The following MCC variants were observed in gnomAD, a reference collection of about 807,000 sequenced individuals.
MCC encodes MCC regulator of Wnt signaling pathway.
In MCC, 90 loss-of-function variants were observed where a neutral mutation model predicts 116.2. That is an observed-to-expected ratio of 0.77 (90% CI 0.65 to 0.92). The LOEUF is 0.92. MCC is among the 40% of genes least tolerant of loss of function. The pLI is 0.00. For missense variants in MCC, 1,516 were observed against 1,312.2 expected, an observed-to-expected ratio of 1.16 and a Z score of -2.40; for synonymous variants, 578 against 510.5, an observed-to-expected ratio of 1.13 and a Z score of -1.78.
chr5:113,469,330 A>C (rs1772011557), intron 1 of MCC, among the ~76,000 whole-genome samples: 1 of 151,344 alleles, frequency 6.6e-6, no homozygotes, highest in African/African-American at 2.4e-5. Flanking sequence ...AGTGCTAGAA[A>C]TTTCCCTCTA....
At chr5:113,101,136 G>A (rs1221058667) in intron 8 of MCC, among the ~76,000 whole-genome samples, 2 of 152,058 alleles carry the variant, frequency 1.3e-5, no homozygotes, top group African/African-American at 4.8e-5. Flanking sequence ...CAGGCCCTAG[G>A]GTGAATAGCA....
At chr5:113,330,374 C>T (rs1412062020) in intron 3 of MCC, among the ~76,000 whole-genome samples, 3 of 152,184 alleles carry the variant, frequency 2.0e-5, no homozygotes, top group African/African-American at 7.2e-5. Context: ...CATTCCTGTA[C>T]CTTTTTTCTC....
intron 3 of MCC, among the ~76,000 whole-genome samples, chr5:113,248,645 T>C (rs568002439): frequency 6.6e-5 from 10 of 152,218 alleles, no homozygotes; most frequent in East Asian, 3.9e-4. Flanking sequence ...CCAAGAGACA[T>C]AGTTCAAGTC....
rs185037968 is a variant in MCC at position 113,023,342 on chromosome 5, A to C, written c.*3960T>G. The C allele has an allele frequency of 1.9e-4, 29 of 152,364 alleles. No individual in the cohort carries two copies. Among genetic ancestry groups the C allele is most frequent in the Admixed American group, 1.6e-3 (24 of 15,310 alleles). 9.4% of individuals were successfully genotyped at this position (152,364 alleles called of 1,614,324 possible). On this transcript the variant is annotated 3_prime_UTR_variant, in exon 19 of 19. Coordinates refer to ENST00000408903, the MANE Select transcript of MCC (RefSeq NM_001085377.2). ...AACTCTATAAGAGTGCTCAAAGGTG[A>C]ATCAAACTTGTATATCATTCCTTGT...
At position 113,255,913 on chromosome 5, in the gene MCC, T is replaced by C. The variant is rs60721375; in HGVS notation, c.627+84606A>G. Among the ~76,000 whole-genome samples, 604 of 152,310 alleles carry C rather than the reference T, an allele frequency of 4.0e-3. 5 individuals carry two copies. Among genetic ancestry groups the C allele is most frequent in the African/African-American group, 0.013 (558 of 41,576 alleles). ...AGTAATTTAGATCCATCTGGTAGTATTTCCAAACCTAGCAAATCCTAAAAT... is the reference window on the plus strand; with the variant it reads ...AGTAATTTAGATCCATCTGGTAGTACTTCCAAACCTAGCAAATCCTAAAAT... On this transcript the variant is annotated intron_variant, in intron 3 of 18. Transcript: ENST00000408903.
chr5:113,105,765 G>C (rs1054066485), intron 6 of MCC, among the ~76,000 whole-genome samples: 1 of 152,080 alleles, frequency 6.6e-6, no homozygotes, highest in Non-Finnish European at 1.5e-5. Flanking sequence ...CTCTCCACGC[G>C]GTCACCAAAG....
At chr5:113,182,576 C>T (rs959138150) in intron 3 of MCC, among the ~76,000 whole-genome samples, 1 of 151,936 alleles carries the variant, frequency 6.6e-6, no homozygotes, top group Non-Finnish European at 1.5e-5. Context: ...AGCCTGACAA[C>T]AGAGCCATCC....
At chr5:113,108,764 T>C (rs1200480292) in intron 6 of MCC, among the ~76,000 whole-genome samples, 2 of 151,916 alleles carry the variant, frequency 1.3e-5, no homozygotes, top group Non-Finnish European at 2.9e-5. Flanking sequence ...CTGAAGAATA[T>C]CTACCCTTCA....
At chr5:113,181,718 A>G (rs1341947216) in intron 3 of MCC, among the ~76,000 whole-genome samples, 1 of 152,172 alleles carries the variant, frequency 6.6e-6, no homozygotes, top group African/African-American at 2.4e-5. Flanking sequence ...CTCAAACCAA[A>G]ATGAAGATCA....
At chr5:113,108,666 A>C (rs115959996) in intron 6 of MCC, among the ~76,000 whole-genome samples, 18,211 of 151,698 alleles carry the variant, frequency 0.12, 1,482 homozygotes, top group Non-Finnish European at 0.18. Flanking sequence ...AAAAAAAAAA[A>C]AAAAGGGAAG....
In MCC at chr5:113,362,143, T is replaced by C. The variant is rs1344399157; in HGVS notation, c.416-21413A>G. 2.6e-5 allele frequency among the ~76,000 whole-genome samples: 4 copies of C among 152,346 alleles called. 1 individual carries two copies. In the South Asian group the frequency reaches 6.2e-4, roughly 24 times the overall value. ...ACTAATACAATGTTCCTGAATTTCC[T>C]ATCATATGGGGTTTATATTTTATTT... On this transcript the variant is annotated intron_variant, in intron 2 of 18. Coordinates refer to ENST00000408903, the MANE Select transcript of MCC (RefSeq NM_001085377.2).
At chr5:113,481,006 G>A (rs182475703) in intron 1 of MCC, among the ~76,000 whole-genome samples, 23 of 152,184 alleles carry the variant, frequency 1.5e-4, no homozygotes, top group Admixed American at 5.2e-4. Flanking sequence ...TGAACTCCTA[G>A]GTTCAAGAGA....
chr5:113,450,726 C>T (rs570059713), intron 1 of MCC, among the ~76,000 whole-genome samples: 1 of 152,298 alleles, frequency 6.6e-6, no homozygotes, highest in South Asian at 2.1e-4. Context: ...TTCCATGGTA[C>T]ACATGTACCT....
chr5:113,092,183 G>A (rs4397121), intron 8 of MCC, among the ~76,000 whole-genome samples: 77,064 of 151,810 alleles, frequency 0.51, 22,432 homozygotes, highest in East Asian at 0.68. Flanking sequence ...ACGGCAAAAG[G>A]GAACTGAGAT....
chr5:113,374,881 A>T (rs1248643520), intron 2 of MCC, among the ~76,000 whole-genome samples: 1 of 151,250 alleles, frequency 6.6e-6, no homozygotes, highest in South Asian at 2.1e-4. Context: ...GGTCTCAGCT[A>T]CTCAGGAGGC....
At position 113,400,113 on chromosome 5, in the gene MCC, C is replaced by CTTTTTTTTTTTTTTTT. The variant is rs747991299; in HGVS notation, c.171-14917_171-14902dup. On this transcript the variant is annotated intron_variant, in intron 1 of 18. Coordinates refer to ENST00000408903, the MANE Select transcript of MCC (RefSeq NM_001085377.2). ...ATTGTTTTGGCCCTCTCCTTTTTTACTTTTTTTTTTTTTTTTTTTTTTTTT... is the reference window on the plus strand; with the variant it reads ...ATTGTTTTGGCCCTCTCCTTTTTTACTTTTTTTTTTTTTTTTTTTTTTTTTTTTTTTTTTTTTTTTT... 9 of 71,404 alleles carry CTTTTTTTTTTTTTTTT rather than the reference C, an allele frequency of 1.3e-4. 2 individuals are homozygous for CTTTTTTTTTTTTTTTT. The highest frequency in any genetic ancestry group is 5.1e-4 in the African/African-American group (7 of 13,714). 4.4% of individuals were successfully genotyped at this position (71,404 alleles called of 1,614,324 possible).
chr5:113,205,087 C>G (rs761146053), intron 3 of MCC, among the ~76,000 whole-genome samples: 2 of 152,188 alleles, frequency 1.3e-5, no homozygotes, highest in Admixed American at 1.3e-4. Flanking sequence ...AATTTACATG[C>G]CAGTCTCAGT....
At chr5:113,484,526 A>G in intron 1 of MCC, among the ~76,000 whole-genome samples, 1 of 152,184 alleles carries the variant, frequency 6.6e-6, no homozygotes, top group East Asian at 1.9e-4. Context: ...GAATGACAAT[A>G]AACAGGCAAA....
At chr5:113,385,376 G>A (rs1336113170) in intron 1 of MCC, among the ~76,000 whole-genome samples, 164 bp from the exon 2 acceptor site, 2 of 152,020 alleles carry the variant, frequency 1.3e-5, no homozygotes, top group African/African-American at 2.4e-5. Flanking sequence ...TGAAAAAAAC[G>A]TGTTCCATTT....
Sources: allele counts gnomAD v4.1 joint callset (sites outside exome capture counted in the v4.1 genomes callset), GRCh38; gene constraint gnomAD v4.1.1; transcripts MANE v1.5; gene names NCBI Gene and HGNC (gene_info 2026-07-23, HGNC 2026-07-21).